The following ZBTB37 variants were observed in gnomAD, a reference collection of about 807,000 sequenced individuals.
ZBTB37 encodes the protein zinc finger and BTB domain-containing protein 37.
A neutral mutation model predicts 37.7 loss-of-function variants in ZBTB37; 15 were observed. The observed-to-expected ratio is 0.40, with a 90% CI of 0.27 to 0.61. The LOEUF (loss-of-function observed/expected upper bound fraction) is 0.61. ZBTB37 is among the 20% of genes least tolerant of loss of function. ZBTB37 has a pLI of 0.44. For missense variants in ZBTB37, 514 were observed against 641.9 expected (o/e 0.80, Z 2.15); for synonymous variants, 231 against 220.6 (o/e 1.05, Z -0.42).
chr1:173,873,540 G>A, exon 4 of ZBTB37: 1 of 1,613,990 alleles, frequency 6.2e-7, no homozygotes, highest in Middle Eastern at 1.6e-4. Context: ...TGGGAGAATG[G>A]ATGAGCCTAA....
chr1:173,868,178 C>T (rs937698297), upstream of ZBTB37: 39 of 156,712 alleles, frequency 2.5e-4, 1 homozygote, highest in Non-Finnish European at 5.5e-4. Context: ...TGGGCAGAGA[C>T]ATGACCGTCC....
chr1:173,875,193 ACACACACTATGTATACTATAGTATG>A (rs919306237), intron 4 of ZBTB37, among the ~76,000 whole-genome samples: 2 of 151,240 alleles, frequency 1.3e-5, no homozygotes, highest in African/African-American at 2.4e-5. Flanking sequence ...TATGTAGTAT[ACACACACTATGTATACTATAGTATG>A]CACACACTAT....
rs1329305331 is a variant in ZBTB37, at chr1:173,884,379, A to T, written c.1024-1257A>T. Among the ~76,000 whole-genome samples the T allele has an allele frequency of 2.6e-5, 4 of 152,048 alleles. No homozygotes were observed. In the East Asian group the frequency reaches 7.7e-4, roughly 29 times the overall value. On this transcript the variant is annotated intron_variant, in intron 4 of 4. Coordinates refer to ENST00000427304, the Ensembl canonical transcript of ZBTB37. ...TGCTATATTGCCCAGGCTGGTCTCAAACTCCTAGGCTCAAGTTATTCTCCC... is the reference window on the plus strand; with the variant it reads ...TGCTATATTGCCCAGGCTGGTCTCATACTCCTAGGCTCAAGTTATTCTCCC...
intron 4 of ZBTB37, among the ~76,000 whole-genome samples, chr1:173,875,314 G>T (rs1655891143): frequency 8.7e-6 from 1 of 114,678 alleles, no homozygotes; most frequent in African/African-American, 4.0e-5. Flanking sequence ...ATATATATGT[G>T]TGCATATATA....
At chr1:173,883,711 AT>A (rs1407089474) in intron 4 of ZBTB37, among the ~76,000 whole-genome samples, 1 of 152,216 alleles carries the variant, frequency 6.6e-6, no homozygotes, top group Non-Finnish European at 1.5e-5. Context: ...AACAAATAAA[AT>A]AATCTTAAAA....
At chr1:173,877,265 CT>C (rs1656030435) in intron 4 of ZBTB37, among the ~76,000 whole-genome samples, 1 of 151,428 alleles carries the variant, frequency 6.6e-6, no homozygotes, top group Non-Finnish European at 1.5e-5. Context: ...CTGTAAGACT[CT>C]ACAGTATAAA....
At chr1:173,886,103 G>A (rs1364156798) in exon 5 of ZBTB37, 7 of 1,551,356 alleles carry the variant, frequency 4.5e-6, no homozygotes, top group Non-Finnish European at 5.2e-6. Flanking sequence ...AGGGCTCTGT[G>A]TCCACCACTG....
At chr1:173,893,422 C>T (rs894292818) in exon 4 of ZBTB37, 1 of 152,180 alleles carries the variant, frequency 6.6e-6, no homozygotes, top group Non-Finnish European at 1.5e-5. Flanking sequence ...TACCAGACAA[C>T]ATGCTTGGGA....
chr1:173,875,992 T>C (rs1655944930), intron 4 of ZBTB37, among the ~76,000 whole-genome samples: 1 of 152,324 alleles, frequency 6.6e-6, no homozygotes, highest in South Asian at 2.1e-4. Flanking sequence ...TGCTATTTCA[T>C]GTACTGTATC....
At chr1:173,886,134 G>C (rs530270716) in exon 5 of ZBTB37, 86 of 1,547,096 alleles carry the variant, frequency 5.6e-5, no homozygotes, top group Admixed American at 7.9e-5. Flanking sequence ...AAACATCCAG[G>C]GGGAGGGGGC....
chr1:173,881,676 G>A (rs542106105), intron 4 of ZBTB37, among the ~76,000 whole-genome samples: 14 of 152,232 alleles, frequency 9.2e-5, no homozygotes, highest in African/African-American at 2.6e-4. Flanking sequence ...ATCTCATTGT[G>A]GTTTTGATTT....
At chr1:173,871,352 G>A (rs371019618) in intron 3 of ZBTB37, among the ~76,000 whole-genome samples, 2 of 152,238 alleles carry the variant, frequency 1.3e-5, no homozygotes, top group African/African-American at 4.8e-5. Flanking sequence ...TATTCACAAT[G>A]TTGTGAGAAC....
intron 3 of ZBTB37, among the ~76,000 whole-genome samples, chr1:173,872,018 A>G (rs944963223): frequency 2.0e-5 from 3 of 152,252 alleles, no homozygotes; most frequent in Non-Finnish European, 4.4e-5. Flanking sequence ...AATGTATCAC[A>G]GAGATTCAGT....
At chr1:173,898,886 A>G (rs952506832) in exon 4 of ZBTB37, 2 of 152,206 alleles carry the variant, frequency 1.3e-5, no homozygotes, top group Non-Finnish European at 2.9e-5. Context: ...TTTTTACCCT[A>G]ATACACTGAT....
At position 173,878,525 on chromosome 1, in the gene ZBTB37, AC is replaced by A. The variant is rs1031034878; in HGVS notation, c.1023+4963del. Among the ~76,000 whole-genome samples the A allele has an allele frequency of 5.9e-5, 9 of 152,220 alleles. 1 individual carries two copies. The highest frequency in any genetic ancestry group is 3.9e-4 in the Admixed American group (6 of 15,282). On this transcript the variant is annotated intron_variant, in intron 4 of 4. Transcript: ENST00000427304. ...GCACAATCAACCATCAAATAAACAC[AC>A]CCCAGTGATGGGGTCACCAATGCCC... is the stretch of plus-strand genomic sequence containing the variant.
chr1:173,896,927 A>G (rs1219682904), exon 4 of ZBTB37: 2 of 152,248 alleles, frequency 1.3e-5, no homozygotes, highest in Non-Finnish European at 2.9e-5. Flanking sequence ...CGTCTCTAGA[A>G]TGGCTATCTG....
At chr1:173,879,569 G>A (rs1308449193) in intron 4 of ZBTB37, among the ~76,000 whole-genome samples, 2 of 152,076 alleles carry the variant, frequency 1.3e-5, no homozygotes, top group Non-Finnish European at 2.9e-5. Flanking sequence ...TTTTTGCCAG[G>A]TACAGAACCT....
chr1:173,872,759 G>A (rs535962702), intron 3 of ZBTB37, among the ~76,000 whole-genome samples: 22 of 152,246 alleles, frequency 1.4e-4, no homozygotes, highest in African/African-American at 5.3e-4. Flanking sequence ...TGTGATCCCA[G>A]CACTTTGGGA....
At chr1:173,880,327 A>G (rs1276157927) in intron 4 of ZBTB37, among the ~76,000 whole-genome samples, 1 of 152,182 alleles carries the variant, frequency 6.6e-6, no homozygotes, top group Admixed American at 6.5e-5. Context: ...AGATCTTTCA[A>G]AAACATTAAT....
Sources: allele counts gnomAD v4.1 joint callset (sites outside exome capture counted in the v4.1 genomes callset), GRCh38; gene constraint gnomAD v4.1.1; transcripts MANE v1.5; gene names NCBI Gene and HGNC (gene_info 2026-07-23, HGNC 2026-07-21).